ATP6V1E2: variants seen among roughly 807,000 people sequenced by gnomAD.
The protein encoded by ATP6V1E2 is ATPase H+ transporting V1 subunit E2.
For missense variants in ATP6V1E2, 308 were observed against 273.3 expected, an observed-to-expected ratio of 1.13 and a Z score of -0.90; for synonymous variants, 121 against 104.2, an observed-to-expected ratio of 1.16 and a Z score of -0.98.
intron 4 of ATP6V1E2, among the ~76,000 whole-genome samples, chr2:46,524,636 G>A (rs1004243945): frequency 6.6e-6 from 1 of 152,186 alleles, no homozygotes; most frequent in African/African-American, 2.4e-5. Flanking sequence ...AGCCGAGGTA[G>A]CAGCCCTGTG....
At chr2:46,515,716 G>C (rs770301496) in intron 4 of ATP6V1E2, among the ~76,000 whole-genome samples, 11 of 152,156 alleles carry the variant, frequency 7.2e-5, no homozygotes, top group Non-Finnish European at 1.5e-4. Flanking sequence ...ATGTTCCAAT[G>C]AAAAGATATA....
intron 4 of ATP6V1E2, among the ~76,000 whole-genome samples, chr2:46,531,105 C>T (rs182283897): frequency 1.3e-5 from 2 of 152,278 alleles, no homozygotes; most frequent in Admixed American, 1.3e-4. Context: ...CAACCATTGC[C>T]TCTATCTAGC....
chr2:46,516,755 T>C (rs1034663687), intron 4 of ATP6V1E2, among the ~76,000 whole-genome samples: 24 of 151,534 alleles, frequency 1.6e-4, no homozygotes, highest in Admixed American at 1.1e-3. Context: ...AAAAAAACTC[T>C]CAAGTTACCT....
In ATP6V1E2 at chr2:46,512,173, C is replaced by T. The variant is rs200523224; in HGVS notation, c.539G>A (p.Gly180Asp). The T allele has an allele frequency of 5.0e-6, 8 of 1,614,236 alleles. No individual in the cohort carries two copies. The highest frequency in any genetic ancestry group is 1.7e-5 in the Admixed American group (1 of 60,030). The part of the protein sequence containing the change: ...EAYLAVNAAG[G>D]VEVYSGNQRI... ...CTGATTGCCACTGTAGACCTCCACA[C>T]CTCCAGCTGCATTCACAGCCAGGTA... Residue 180 changes from glycine (G) to aspartate (D), a missense_variant, in exon 5 of 5, where the codon GGT (glycine) becomes GAT (aspartate). Gly to Asp is a moderately conservative substitution (Grantham distance 94). Transcript: ENST00000522587.
intron 4 of ATP6V1E2, chr2:46,534,909 C>G (rs113898817): frequency 1.3e-5 from 2 of 152,360 alleles, no homozygotes; most frequent in African/African-American, 4.8e-5. Context: ...TTGCATCGCA[C>G]TGTGAAGTTT....
At chr2:46,523,013 T>G (rs148362018) in intron 4 of ATP6V1E2, among the ~76,000 whole-genome samples, 321 of 152,362 alleles carry the variant, frequency 2.1e-3, no homozygotes, top group Admixed American at 5.7e-3. Flanking sequence ...CTTTTTTTCA[T>G]ATGTTCATTG....
Position 46,539,549 on chromosome 2 carries a change from T to G in ATP6V1E2, c.-310+1841A>C, listed in dbSNP as rs139361743. Among the ~76,000 whole-genome samples the G allele has an allele frequency of 2.4e-3, 361 of 152,396 alleles. 1 individual carries two copies. The highest frequency in any genetic ancestry group is 8.4e-3 in the African/African-American group (348 of 41,600). On this transcript the variant is annotated intron_variant, in intron 2 of 4. Transcript: ENST00000522587. The stretch of plus-strand genomic sequence containing the variant: ...CCCATTGGCCCTGGCCTTTGGCCTT[T>G]GTACAGTGGAGACTGCCCAACCCAT...
chr2:46,534,506 G>C (rs1300329710), intron 4 of ATP6V1E2: 1 of 149,460 alleles, frequency 6.7e-6, no homozygotes, highest in Non-Finnish European at 1.5e-5. Flanking sequence ...TGTCATTTTG[G>C]GGTTTGTTTC....
At chr2:46,541,080 C>G (rs1481085655) in intron 2 of ATP6V1E2, among the ~76,000 whole-genome samples, 1 of 152,194 alleles carries the variant, frequency 6.6e-6, no homozygotes, top group African/African-American at 2.4e-5. Flanking sequence ...TTTCAAGCTC[C>G]TGGATAGACC....
chr2:46,526,236 C>A (rs918249619), intron 4 of ATP6V1E2, among the ~76,000 whole-genome samples: 4 of 152,050 alleles, frequency 2.6e-5, no homozygotes, highest in Admixed American at 2.6e-4. Context: ...GTGCCTCAGC[C>A]TCCCGAGTAG....
At chr2:46,520,630 C>T (rs1572702861) in intron 4 of ATP6V1E2, among the ~76,000 whole-genome samples, 1 of 152,220 alleles carries the variant, frequency 6.6e-6, no homozygotes, top group East Asian at 1.9e-4. Context: ...AGTTTAAGCC[C>T]CACCACTCCT....
intron 4 of ATP6V1E2, among the ~76,000 whole-genome samples, chr2:46,521,915 C>A (rs1037973347): frequency 4.9e-4 from 71 of 145,420 alleles, no homozygotes; most frequent in African/African-American, 1.6e-3. Context: ...TGGTCTCGAT[C>A]TCCTGACCTC....
intron 4 of ATP6V1E2, among the ~76,000 whole-genome samples, chr2:46,513,807 C>G (rs916520215): frequency 1.3e-5 from 2 of 151,866 alleles, no homozygotes; most frequent in African/African-American, 4.8e-5. Flanking sequence ...CCTGATGACA[C>G]AGCAAGACTC....
chr2:46,525,892 G>C (rs1235144996), intron 4 of ATP6V1E2, among the ~76,000 whole-genome samples: 1 of 146,616 alleles, frequency 6.8e-6, no homozygotes, highest in East Asian at 2.0e-4. Context: ...TCCAGTGGCA[G>C]TTTCTCCAAA....
At chr2:46,524,306 G>C (rs1274162177) in intron 4 of ATP6V1E2, among the ~76,000 whole-genome samples, 4 of 152,162 alleles carry the variant, frequency 2.6e-5, no homozygotes, top group Non-Finnish European at 4.4e-5. Context: ...AATAGGGAGG[G>C]AGGGAAATGA....
intron 4 of ATP6V1E2, among the ~76,000 whole-genome samples, chr2:46,516,079 T>C (rs1214941316): frequency 6.6e-6 from 1 of 152,174 alleles, no homozygotes; most frequent in Non-Finnish European, 1.5e-5. Flanking sequence ...ACAATAATAG[T>C]AGGAAATTTC....
chr2:46,528,247 A>G (rs1382588940), intron 4 of ATP6V1E2, among the ~76,000 whole-genome samples: 1 of 152,272 alleles, frequency 6.6e-6, no homozygotes, highest in Non-Finnish European at 1.5e-5. Flanking sequence ...AGGACAAAAT[A>G]TTTGAGAAAC....
chr2:46,520,508 G>T (rs574016563), intron 4 of ATP6V1E2, among the ~76,000 whole-genome samples: 26 of 152,318 alleles, frequency 1.7e-4, no homozygotes, highest in Non-Finnish European at 1.5e-5. Context: ...TTCACGACTG[G>T]GGCCTCCCCG....
In ATP6V1E2 at chr2:46,535,560, C is replaced by G. The variant is rs780909064; in HGVS notation, c.-102+253G>C. The G allele has an allele frequency of 2.0e-5, 3 of 152,236 alleles. No homozygotes were observed. The highest frequency in any genetic ancestry group is 4.4e-5 in the Non-Finnish European group (3 of 68,056). 9.4% of individuals were successfully genotyped at this position (152,236 alleles called of 1,614,324 possible). A position where few individuals can be genotyped will look rare whatever the true frequency, so the allele number is the denominator to read the frequency against. On this transcript the variant is annotated intron_variant, in intron 4 of 4. Coordinates refer to ENST00000522587, the MANE Select transcript of ATP6V1E2 (RefSeq NM_001318063.2). The surrounding 1 kb of genome is among the most constrained non-coding windows in gnomAD (Gnocchi z 4.4). ...TGCTTTCACCAAACCCTAGACAACTCATGTGTACAGTTGTCACTTCTGAAC... is the reference window on the plus strand; with the variant it reads ...TGCTTTCACCAAACCCTAGACAACTGATGTGTACAGTTGTCACTTCTGAAC...
Sources: allele counts gnomAD v4.1 joint callset (sites outside exome capture counted in the v4.1 genomes callset), GRCh38; gene constraint gnomAD v4.1.1; non-coding constraint Gnocchi (gnomAD v3.1); transcripts MANE v1.5; gene names NCBI Gene and HGNC (gene_info 2026-07-23, HGNC 2026-07-21).